ABCC1: variants seen among roughly 807,000 people sequenced by gnomAD.
ABCC1 encodes the protein multidrug resistance-associated protein 1.
A neutral mutation model predicts 172.9 loss-of-function variants in ABCC1; 83 were observed. The observed-to-expected ratio is 0.48, with a 90% CI of 0.40 to 0.58. The LOEUF is 0.58. Among genes scored for constraint, ABCC1 ranks in the 20% least tolerant of loss-of-function variants. The pLI is 0.00. For synonymous variants in ABCC1, 937 were observed against 825.2 expected (o/e 1.14, Z -2.32); for missense variants, 1,817 against 2,002.7 (o/e 0.91, Z 1.77).
intron 5 of ABCC1, among the ~76,000 whole-genome samples, chr16:16,018,064 A>G (rs2048067669): frequency 6.6e-6 from 1 of 152,112 alleles, no homozygotes; most frequent in Non-Finnish European, 1.5e-5. Flanking sequence ...TGGAGCACCT[A>G]TTTGATGCTG....
At chr16:15,962,841 T>C (rs1003125150) in intron 1 of ABCC1, among the ~76,000 whole-genome samples, 1 of 152,114 alleles carries the variant, frequency 6.6e-6, no homozygotes. Flanking sequence ...AGCCGTGCCA[T>C]ATCATTCTGC....
At position 16,110,233 on chromosome 16, in the gene ABCC1, G is replaced by A. The variant is rs142927038; in HGVS notation, c.2872-1142G>A. Among the ~76,000 whole-genome samples the A allele has an allele frequency of 2.4e-3, 369 of 151,904 alleles. 4 individuals carry two copies. Among genetic ancestry groups the A allele is most frequent in the African/African-American group, 8.5e-3 (354 of 41,444 alleles). On this transcript the variant is annotated intron_variant, in intron 21 of 30. Coordinates refer to ENST00000399410, the MANE Select transcript of ABCC1 (RefSeq NM_004996.4). ...CTTGTGCCTCAGCCTACAGGCATGTGCCCCCACGCCTGACTAATTTTTGTA... is the reference window on the plus strand; with the variant it reads ...CTTGTGCCTCAGCCTACAGGCATGTACCCCCACGCCTGACTAATTTTTGTA...
intron 1 of ABCC1, among the ~76,000 whole-genome samples, chr16:15,985,434 T>G (rs992923506): frequency 1.3e-5 from 2 of 152,116 alleles, no homozygotes; most frequent in Non-Finnish European, 2.9e-5. Flanking sequence ...CCTGCTCTAT[T>G]GGTTTCTTTT....
rs376842425 is a variant in ABCC1 at position 16,114,883 on chromosome 16, G to A, written c.3197G>A (p.Arg1066Gln). ...CGGTCACCCATGAGCTTCTTTGAGCGGACCCCCAGTGGGAACCTGGTGAAC... is the reference window on the plus strand; with the variant it reads ...CGGTCACCCATGAGCTTCTTTGAGCAGACCCCCAGTGGGAACCTGGTGAAC... ...ILRSPMSFFE[R>Q]TPSGNLVNRF... Residue 1066 changes from arginine (R) to glutamine (Q), a missense_variant, in exon 23 of 31, where the codon CGG (arginine) becomes CAG (glutamine). By Grantham distance (43) the Arg-to-Gln change is conservative. Around this residue, in one of 3 missense-constraint regions of ABCC1, gnomAD observed 1,412 missense variants for 1,600.3 expected, o/e 0.88. Coordinates refer to ENST00000399410, the MANE Select transcript of ABCC1 (RefSeq NM_004996.4). 213 of 1,613,638 alleles carry A rather than the reference G, an allele frequency of 1.3e-4. No homozygotes were observed. Among genetic ancestry groups the A allele is most frequent in the Non-Finnish European group, 1.7e-4 (202 of 1,179,870 alleles).
chr16:15,987,275 A>G (rs2046765032), intron 1 of ABCC1, among the ~76,000 whole-genome samples: 1 of 152,252 alleles, frequency 6.6e-6, no homozygotes, highest in Non-Finnish European at 1.5e-5. Flanking sequence ...TGTTTAACAA[A>G]GTGCTTATTT....
intron 27 of ABCC1, among the ~76,000 whole-genome samples, chr16:16,132,581 G>T (rs988138850): frequency 7.1e-6 from 1 of 140,014 alleles, no homozygotes; most frequent in Non-Finnish European, 1.5e-5. Flanking sequence ...GAGTGCAGGG[G>T]CCCGATCTCA....
chr16:16,043,262 C>T (rs2049057777), intron 7 of ABCC1, among the ~76,000 whole-genome samples: 1 of 125,378 alleles, frequency 8.0e-6, no homozygotes, highest in South Asian at 2.4e-4. Flanking sequence ...GTATATATGC[C>T]TATCCCTTTA....
intron 1 of ABCC1, among the ~76,000 whole-genome samples, chr16:16,007,595 G>T (rs1329712618): frequency 1.3e-5 from 2 of 152,114 alleles, no homozygotes; most frequent in East Asian, 3.9e-4. Flanking sequence ...GCTCAGGTGG[G>T]AGTGCAGAAG....
Position 16,090,037 on chromosome 16 carries a change from C to G in ABCC1, c.2461-368C>G, listed in dbSNP as rs142561173. ...ATTACCTTTGTTAAAATTGCAAAAC[C>G]CGCACACTTGGTACACCCGTTCCCC... On this transcript the variant is annotated intron_variant, in intron 18 of 30. Coordinates refer to ENST00000399410, the MANE Select transcript of ABCC1 (RefSeq NM_004996.4). 7.7e-3 allele frequency among the ~76,000 whole-genome samples: 1,172 copies of G among 152,264 alleles called. 9 individuals carry two copies. The highest frequency in any genetic ancestry group is 0.014 in the Non-Finnish European group (950 of 68,032).
At chr16:16,028,009 C>G (rs1285243919) in intron 5 of ABCC1, among the ~76,000 whole-genome samples, 1 of 152,142 alleles carries the variant, frequency 6.6e-6, no homozygotes, top group East Asian at 1.9e-4. Flanking sequence ...CAAGGTCCCA[C>G]AGCTAGGAAA....
At chr16:16,007,058 C>T (rs1332547138) in intron 1 of ABCC1, among the ~76,000 whole-genome samples, 4 of 152,042 alleles carry the variant, frequency 2.6e-5, no homozygotes, top group Admixed American at 6.6e-5. Flanking sequence ...CAGGGCTCTT[C>T]GGTTATAAGA....
At chr16:15,985,748 A>G (rs190682590) in intron 1 of ABCC1, among the ~76,000 whole-genome samples, 5 of 151,784 alleles carry the variant, frequency 3.3e-5, no homozygotes, top group South Asian at 2.1e-4. Flanking sequence ...CCCAGTCTCT[A>G]TTGGTTTCTT....
At chr16:15,967,435 A>T (rs918252825) in intron 1 of ABCC1, among the ~76,000 whole-genome samples, 8 of 151,832 alleles carry the variant, frequency 5.3e-5, no homozygotes, top group Non-Finnish European at 1.2e-4. Context: ...CTGCAGTTTT[A>T]TTTGTAGTTT....
chr16:15,993,469 C>T (rs559597689), intron 1 of ABCC1, among the ~76,000 whole-genome samples: 5 of 152,250 alleles, frequency 3.3e-5, no homozygotes, highest in South Asian at 2.1e-4. Context: ...ATGATTTTTG[C>T]CTCTCTGGAG....
At chr16:16,104,398 C>G (rs540711921) in intron 20 of ABCC1, among the ~76,000 whole-genome samples, 16 of 152,228 alleles carry the variant, frequency 1.1e-4, no homozygotes, top group South Asian at 2.1e-4. Context: ...GAGCTAGATA[C>G]GTAAGTTCCC....
At chr16:16,119,533 A>G (rs1312551197) in intron 23 of ABCC1, among the ~76,000 whole-genome samples, 1 of 152,098 alleles carries the variant, frequency 6.6e-6, no homozygotes. Context: ...TCTACTAAAA[A>G]TAGAAAAATT....
At position 16,007,874 on chromosome 16, in the gene ABCC1, C is replaced by A. The variant is rs1182782351; in HGVS notation, c.107C>A (p.Thr36Lys). 2 of 1,613,492 alleles carry A rather than the reference C, an allele frequency of 1.2e-6. No homozygotes were observed. Among genetic ancestry groups the A allele is most frequent in the African/African-American group, 2.7e-5 (2 of 74,896 alleles). Residue 36 changes from threonine to lysine, a missense_variant, in exon 2 of 31, where the codon ACG becomes AAG. Physicochemically the swap from Thr to Lys is moderately conservative, Grantham distance 78. Around this residue, in one of 3 missense-constraint regions of ABCC1, gnomAD observed 398 missense variants for 384.2 expected, o/e 1.04. Transcript: ENST00000399410. The part of the protein sequence containing the change: ...NPDFTKCFQN[T>K]VLVWVPCFYL... ...GACTTCACCAAGTGCTTTCAGAACA[C>A]GGTCCTCGTGTGGGTGCCTTGTTTT...
intron 1 of ABCC1, among the ~76,000 whole-genome samples, chr16:15,988,238 C>T (rs984520088): frequency 1.3e-5 from 2 of 152,116 alleles, no homozygotes; most frequent in East Asian, 1.9e-4. Context: ...TTTAAATACC[C>T]GTCCTCAGCA....
intron 15 of ABCC1, among the ~76,000 whole-genome samples, chr16:16,079,145 C>T (rs2050704447): frequency 6.6e-6 from 1 of 152,178 alleles, no homozygotes. Context: ...TCACCTGCCT[C>T]CCACCTGGAG....
Sources: gnomAD v4.1 joint callset for allele counts (sites outside exome capture counted in the v4.1 genomes callset) on GRCh38, gnomAD v4.1.1 for gene constraint, gnomAD v4.1.1 regional missense constraint, MANE v1.5 for transcripts, NCBI Gene and HGNC (gene_info 2026-07-23, HGNC 2026-07-21) for gene names.